AKR1E2: variants seen among roughly 807,000 people sequenced by gnomAD.
AKR1E2 encodes the protein 1,5-anhydro-D-fructose reductase.
A neutral mutation model predicts 41.9 loss-of-function variants in AKR1E2; 43 were observed. The ratio of observed to expected loss-of-function variants is 1.03; its 90% CI spans 0.80 to 1.32. AKR1E2 has a LOEUF of 1.32. Ranked by LOEUF, AKR1E2 falls within the 40% of genes most tolerant of loss-of-function variation. The pLI, the probability that AKR1E2 is intolerant of heterozygous loss-of-function variation, is 0.00. For synonymous variants in AKR1E2, 121 were observed against 138.9 expected (o/e 0.87, Z 0.91); for missense variants, 423 against 396.5 (o/e 1.07, Z -0.57).
In AKR1E2 at chr10:4,842,378, G is replaced by C. The variant is rs528875662; in HGVS notation, c.754-43G>C. The C allele has an allele frequency of 1.5e-5, 23 of 1,559,470 alleles. No individual in the cohort carries two copies. The South Asian group carries it at 2.5e-4, about 17-fold the overall frequency. ...GTTAGAAAATAACTTAGACTACATG[G>C]GATTTCCCTTTGTGTGATAGTAGAC... On this transcript the variant is annotated intron_variant, in intron 7 of 9. Coordinates refer to ENST00000298375, the MANE Select transcript of AKR1E2 (RefSeq NM_001040177.3).
chr10:4,826,193 T>A (rs1463680389), upstream of AKR1E2: 8 of 635,136 alleles, frequency 1.3e-5, no homozygotes, highest in Non-Finnish European at 1.6e-5. Flanking sequence ...CCAGCCATTG[T>A]CGGAGTGTCA....
rs140159196 is a variant in AKR1E2 at position 4,847,517 on chromosome 10, A to G, written c.950A>G (p.His317Arg). ...AAAAATCACAAAGACTATCCTTTCCACATAGAATACTGAGGACGCTTCCCC... is the reference window on the plus strand; with the variant it reads ...AAAAATCACAAAGACTATCCTTTCCGCATAGAATACTGAGGACGCTTCCCC... ...ITKNHKDYPF[H>R]IEY Residue 317 changes from histidine (H) to arginine (R), a missense_variant, in exon 10 of 10, where the codon CAC becomes CGC. His to Arg is a conservative substitution (Grantham distance 29). Coordinates refer to ENST00000298375, the MANE Select transcript of AKR1E2 (RefSeq NM_001040177.3). The G allele has an allele frequency of 1.2e-6, 2 of 1,613,606 alleles. No individual in the cohort carries two copies. The highest frequency in any genetic ancestry group is 8.5e-7 in the Non-Finnish European group (1 of 1,179,786).
At chr10:4,837,706 A>G in intron 5 of AKR1E2, 125 bp downstream of exon 5, 1 of 1,414,464 alleles carries the variant, frequency 7.1e-7, no homozygotes, top group South Asian at 1.4e-5. Context: ...CTCCTCTGGC[A>G]GCACTCAGAA....
At chr10:4,826,156 C>T, upstream of AKR1E2, 1 of 473,240 alleles carries the variant, frequency 2.1e-6, no homozygotes, top group Non-Finnish European at 3.4e-6. Flanking sequence ...CACCAGCAGC[C>T]AGTCAGGAAG....
upstream of AKR1E2, among the ~76,000 whole-genome samples, chr10:4,825,826 C>T (rs1490923532): frequency 6.6e-6 from 1 of 152,220 alleles, no homozygotes; most frequent in African/African-American, 2.4e-5. Flanking sequence ...GGCCCTGGAA[C>T]GGTGAAGACT....
chr10:4,835,550 G>A (rs763413263), intron 3 of AKR1E2, 125 bp from the exon 4 acceptor site: 333 of 1,252,670 alleles, frequency 2.7e-4, no homozygotes, highest in Non-Finnish European at 3.4e-4. Flanking sequence ...ACTGGGCCTG[G>A]TCACATGGCC....
chr10:4,839,403 G>C (rs1833691872), intron 5 of AKR1E2, among the ~76,000 whole-genome samples: 1 of 152,218 alleles, frequency 6.6e-6, no homozygotes, highest in Non-Finnish European at 1.5e-5. Flanking sequence ...AGATGCTGTA[G>C]AGGAAAATAA....
chr10:4,825,714 C>T (rs1183732923), upstream of AKR1E2, among the ~76,000 whole-genome samples: 1 of 152,184 alleles, frequency 6.6e-6, no homozygotes, highest in African/African-American at 2.4e-5. Flanking sequence ...ATCCTTGGTA[C>T]AAGAGAGCGG....
chr10:4,872,241 G>A, the AKR1E2 span, among the ~76,000 whole-genome samples: 33,165 of 151,996 alleles, frequency 0.22, 3,832 homozygotes, highest in Middle Eastern at 0.33. Context: ...CTCCAGGAGG[G>A]CAGAAACAAA....
At chr10:4,872,089 G>A in the AKR1E2 span, among the ~76,000 whole-genome samples, 2 of 152,160 alleles carry the variant, frequency 1.3e-5, no homozygotes, top group Non-Finnish European at 2.9e-5. Context: ...ACTATTGCAT[G>A]ATGCTGTTTT....
At chr10:4,834,290 A>G (rs1473743302) in intron 3 of AKR1E2, among the ~76,000 whole-genome samples, 3 of 152,234 alleles carry the variant, frequency 2.0e-5, no homozygotes, top group Admixed American at 2.0e-4. Flanking sequence ...ACTGTTTTAG[A>G]GTAAAATAAC....
At chr10:4,827,632 G>C (rs1243476867) in intron 1 of AKR1E2, among the ~76,000 whole-genome samples, 1 of 152,068 alleles carries the variant, frequency 6.6e-6, no homozygotes, top group Non-Finnish European at 1.5e-5. Flanking sequence ...CTTAGTTGTT[G>C]ATAAAAGCTA....
chr10:4,848,666 A>G (rs1281702595), downstream of AKR1E2, among the ~76,000 whole-genome samples: 1 of 152,160 alleles, frequency 6.6e-6, no homozygotes, highest in African/African-American at 2.4e-5. Context: ...CATCAGGTTC[A>G]GGGAAGATAT....
intron 1 of AKR1E2, 94 bp downstream of exon 1, chr10:4,826,457 T>C: frequency 8.9e-7 from 1 of 1,126,200 alleles, no homozygotes; most frequent in Non-Finnish European, 1.1e-6. Context: ...TGGGGAGAAG[T>C]GCGGCGGCCT....
chr10:4,839,934 G>A lies in AKR1E2; in HGVS notation c.680+108G>A, dbSNP rs979756275. The stretch of plus-strand genomic sequence containing the variant: ...GAGGGCTTAATGGAGGTTTTGACAG[G>A]GTGTGGAGGGATGGTACTATAGGGG... On this transcript the variant is annotated intron_variant, in intron 6 of 9. Coordinates refer to ENST00000298375, the MANE Select transcript of AKR1E2 (RefSeq NM_001040177.3). 17 of 1,009,218 alleles carry A rather than the reference G, an allele frequency of 1.7e-5. No individual in the cohort carries two copies. The African/African-American group carries it at 1.9e-4, about 11-fold the overall frequency. The allele number at this position is 1,009,218 out of a possible 1,614,324, so 62.5% of individuals were successfully genotyped here. A position where few individuals can be genotyped will look rare whatever the true frequency, so the allele number is the denominator to read the frequency against.
intron 1 of AKR1E2, among the ~76,000 whole-genome samples, chr10:4,827,089 AAAAAG>A (rs967211694): frequency 7.4e-6 from 1 of 134,262 alleles, no homozygotes; most frequent in Non-Finnish European, 1.7e-5. Flanking sequence ...AAAAAAAAAA[AAAAAG>A]AAAAAAGGAA....
intron 6 of AKR1E2, among the ~76,000 whole-genome samples, chr10:4,840,191 C>G (rs1271148302): frequency 6.6e-6 from 1 of 152,174 alleles, no homozygotes; most frequent in Non-Finnish European, 1.5e-5. Flanking sequence ...CTGCTGTCAT[C>G]TTTACCCAGG....
the AKR1E2 span, among the ~76,000 whole-genome samples, chr10:4,864,672 C>G: frequency 6.6e-6 from 1 of 152,032 alleles, no homozygotes; most frequent in African/African-American, 2.4e-5. Context: ...TCAAATTGTC[C>G]CTGTTTGCAG....
At chr10:4,872,636 T>C in the AKR1E2 span, among the ~76,000 whole-genome samples, 1 of 152,320 alleles carries the variant, frequency 6.6e-6, no homozygotes, top group Non-Finnish European at 1.5e-5. Context: ...CTGTTTCTCA[T>C]TTTATTATGT....
Sources: allele counts gnomAD v4.1 joint callset (sites outside exome capture counted in the v4.1 genomes callset), GRCh38; gene constraint gnomAD v4.1.1; transcripts MANE v1.5; gene names NCBI Gene and HGNC (gene_info 2026-07-23, HGNC 2026-07-21).